The following ANTXR2 variants were observed in gnomAD, a reference collection of about 807,000 sequenced individuals.
ANTXR2 encodes ANTXR cell adhesion molecule 2, also known as anthrax toxin receptor 2.
In ANTXR2, 44 loss-of-function variants were observed where a neutral mutation model predicts 73.7. The observed-to-expected ratio is 0.60, with a 90% CI of 0.47 to 0.77. ANTXR2 has a LOEUF of 0.77. Ranked by LOEUF, ANTXR2 falls within the 30% of genes least tolerant of loss-of-function variation. ANTXR2 has a pLI of 0.00. For missense variants in ANTXR2, 604 were observed against 592.5 expected, an observed-to-expected ratio of 1.02 and a Z score of -0.20; for synonymous variants, 217 against 205.9, an observed-to-expected ratio of 1.05 and a Z score of -0.46.
Position 80,008,627 on chromosome 4 carries a change from C to A in ANTXR2, c.946-11G>T. On this transcript the variant is annotated splice_polypyrimidine_tract_variant and intron_variant, in intron 11 of 16. Coordinates refer to ENST00000403729, the MANE Select transcript of ANTXR2 (RefSeq NM_058172.6). ...TGCGATCCCGTTAGACTAAAGTAGG[C>A]AAAAAGCAAAAACAAAGCAGTCAGC... 6.4e-7 allele frequency: 1 copy of A among 1,561,276 alleles called. No individual in the cohort carries two copies. Among genetic ancestry groups the A allele is most frequent in the Admixed American group, 1.9e-5 (1 of 51,882 alleles).
At chr4:79,992,602 T>G (rs1370245864) in intron 12 of ANTXR2, among the ~76,000 whole-genome samples, 3 of 151,890 alleles carry the variant, frequency 2.0e-5, no homozygotes, top group Non-Finnish European at 4.4e-5. Flanking sequence ...AGTAGAGAAT[T>G]AAGATTTAAA....
intron 16 of ANTXR2, among the ~76,000 whole-genome samples, chr4:79,916,126 G>A (rs1727347614): frequency 6.6e-6 from 1 of 151,848 alleles, no homozygotes; most frequent in Non-Finnish European, 1.5e-5. Flanking sequence ...CAAAATTTCA[G>A]TGACTCTATA....
At chr4:79,959,969 G>C (rs1175703921) in intron 16 of ANTXR2, among the ~76,000 whole-genome samples, 1 of 152,144 alleles carries the variant, frequency 6.6e-6, no homozygotes. Flanking sequence ...GATAATGGGA[G>C]AGTAATCCCT....
At chr4:80,063,282 A>G (rs1250429042) in intron 3 of ANTXR2, among the ~76,000 whole-genome samples, 1 of 152,156 alleles carries the variant, frequency 6.6e-6, no homozygotes, top group African/African-American at 2.4e-5. Context: ...TCCTATGCCT[A>G]TTCCACCCAA....
intron 10 of ANTXR2, among the ~76,000 whole-genome samples, chr4:80,028,552 T>C (rs1732542931): frequency 6.6e-6 from 1 of 152,148 alleles, no homozygotes; most frequent in Non-Finnish European, 1.5e-5. Context: ...AGGCTCTCTG[T>C]CTAGGGTTAC....
intron 2 of ANTXR2, among the ~76,000 whole-genome samples, chr4:80,070,050 G>C (rs921832359): frequency 1.3e-5 from 2 of 152,170 alleles, no homozygotes; most frequent in Non-Finnish European, 2.9e-5. Flanking sequence ...TCTCAAACAT[G>C]CTATTTTCCA....
intron 10 of ANTXR2, among the ~76,000 whole-genome samples, chr4:80,028,618 A>G (rs1001663947): frequency 1.3e-5 from 2 of 152,124 alleles, no homozygotes; most frequent in Middle Eastern, 3.2e-3. Context: ...CTATCACCAC[A>G]TCTGTCACCC....
At chr4:79,991,917 T>G (rs1419058974) in intron 12 of ANTXR2, among the ~76,000 whole-genome samples, 1 of 151,894 alleles carries the variant, frequency 6.6e-6, no homozygotes, top group East Asian at 1.9e-4. Context: ...TGAGTACAAA[T>G]GGACAGAAAG....
intron 7 of ANTXR2, among the ~76,000 whole-genome samples, chr4:80,038,192 T>A (rs1485327054): frequency 2.6e-5 from 4 of 152,098 alleles, no homozygotes; most frequent in African/African-American, 9.7e-5. Flanking sequence ...AAAACATGCA[T>A]CCGGAATGAC....
chr4:80,050,687 AC>A (rs1733733341), intron 7 of ANTXR2, among the ~76,000 whole-genome samples: 1 of 151,554 alleles, frequency 6.6e-6, no homozygotes, highest in Admixed American at 6.6e-5. Flanking sequence ...TGGAATTCAC[AC>A]CCAGGTTTTC....
At chr4:79,992,840 A>C (rs1236556091) in intron 12 of ANTXR2, among the ~76,000 whole-genome samples, 1 of 152,036 alleles carries the variant, frequency 6.6e-6, no homozygotes, top group East Asian at 1.9e-4. Flanking sequence ...GACTTTTTTC[A>C]GTTGCAACCT....
chr4:79,929,208 T>C (rs1472449832), intron 16 of ANTXR2, among the ~76,000 whole-genome samples: 1 of 151,878 alleles, frequency 6.6e-6, no homozygotes, highest in Non-Finnish European at 1.5e-5. Flanking sequence ...AAAATAAAAA[T>C]AAATTTTAAA....
intron 10 of ANTXR2, among the ~76,000 whole-genome samples, chr4:80,027,694 C>G (rs1204247242): frequency 6.6e-6 from 1 of 152,158 alleles, no homozygotes; most frequent in African/African-American, 2.4e-5. Flanking sequence ...CCGGTTCATT[C>G]TGTTCTGTTT....
chr4:80,072,772 A>T lies in ANTXR2; in HGVS notation c.-212T>A. 1 of 1,243,860 alleles carries T rather than the reference A, an allele frequency of 8.0e-7. No individual in the cohort carries two copies. 77.1% of individuals were successfully genotyped at this position (1,243,860 alleles called of 1,614,324 possible). A position where few individuals can be genotyped will look rare whatever the true frequency, so the allele number is the denominator to read the frequency against. ...CAAAGGGAGTCTCCGCCACCGCCGC[A>T]GCTGCCGCCGGAACTCTTGACGAAT... is the stretch of plus-strand genomic sequence containing the variant. On this transcript the variant is annotated 5_prime_UTR_variant, in exon 1 of 17. Coordinates refer to ENST00000403729, the MANE Select transcript of ANTXR2 (RefSeq NM_058172.6).
At chr4:79,965,579 T>C (rs1287782434) in intron 16 of ANTXR2, among the ~76,000 whole-genome samples, 1 of 152,144 alleles carries the variant, frequency 6.6e-6, no homozygotes, top group African/African-American at 2.4e-5. Flanking sequence ...ATAAGAACCA[T>C]AATCAAAAGT....
At chr4:79,976,557 C>T (rs1414126044) in intron 16 of ANTXR2, among the ~76,000 whole-genome samples, 1 of 152,190 alleles carries the variant, frequency 6.6e-6, no homozygotes, top group East Asian at 1.9e-4. Flanking sequence ...ATGATCCACC[C>T]CTTAATTTTC....
intron 16 of ANTXR2, among the ~76,000 whole-genome samples, chr4:79,923,349 T>C (rs7686010): frequency 0.57 from 87,217 of 151,912 alleles, 25,365 homozygotes; most frequent in Non-Finnish European, 0.6. Flanking sequence ...TGGTAAACAT[T>C]CCACAGGCAA....
chr4:79,996,438 G>C (rs1370475174), intron 12 of ANTXR2, among the ~76,000 whole-genome samples: 2 of 151,908 alleles, frequency 1.3e-5, no homozygotes, highest in African/African-American at 4.8e-5. Flanking sequence ...GTAAGATAGA[G>C]TTTATCACCA....
chr4:79,987,341 G>A (rs115713192), intron 12 of ANTXR2, among the ~76,000 whole-genome samples: 47 of 151,636 alleles, frequency 3.1e-4, no homozygotes, highest in Non-Finnish European at 5.0e-4. Flanking sequence ...TAATGCAATC[G>A]GAAGCATTAA....
Sources: gnomAD v4.1 joint callset for allele counts (sites outside exome capture counted in the v4.1 genomes callset) on GRCh38, gnomAD v4.1.1 for gene constraint, MANE v1.5 for transcripts, NCBI Gene and HGNC (gene_info 2026-07-23, HGNC 2026-07-21) for gene names.